The following CLUL1 variants were observed in gnomAD, a reference collection of about 807,000 sequenced individuals.
CLUL1 encodes clusterin like 1.
In CLUL1, 43 loss-of-function variants were observed where a neutral mutation model predicts 49.4. The observed-to-expected ratio is 0.87, with a 90% CI of 0.68 to 1.12. CLUL1 has a LOEUF of 1.12. Ranked by LOEUF, CLUL1 falls within the 50% of genes most tolerant of loss-of-function variation. The probability of loss-of-function intolerance (pLI) is 0.00; values close to 1 mark genes in which losing one functional copy is unlikely to be tolerated. For synonymous variants in CLUL1, 192 were observed against 184.9 expected (o/e 1.04, Z -0.31); for missense variants, 486 against 544.4 (o/e 0.89, Z 1.07).
intron 7 of CLUL1, among the ~76,000 whole-genome samples, chr18:635,358 G>T (rs1038954085): frequency 6.6e-6 from 1 of 152,068 alleles, no homozygotes; most frequent in African/African-American, 2.4e-5. Context: ...GAATGCCTCC[G>T]CTGATCTGAC....
intron 7 of CLUL1, among the ~76,000 whole-genome samples, chr18:634,567 C>T (rs1165297025): frequency 2.0e-5 from 3 of 152,056 alleles, no homozygotes; most frequent in African/African-American, 4.8e-5. Flanking sequence ...AGCAAATTAG[C>T]GCAACTCCTT....
At chr18:625,170 T>A (rs2073646401) in intron 5 of CLUL1, 138 bp downstream of exon 5, 3 of 816,122 alleles carry the variant, frequency 3.7e-6, no homozygotes, top group Non-Finnish European at 5.6e-6. Context: ...AATCTAATAC[T>A]AATGTTTACA....
chr18:630,381 T>C (rs1245113217), intron 6 of CLUL1, among the ~76,000 whole-genome samples: 1 of 149,592 alleles, frequency 6.7e-6, no homozygotes, highest in African/African-American at 2.5e-5. Flanking sequence ...AGTGCTGGGA[T>C]TACAGGCATG....
At chr18:626,867 G>C (rs531033659) in intron 5 of CLUL1, among the ~76,000 whole-genome samples, 5 of 224 alleles carry the variant, frequency 0.022, no homozygotes, top group Non-Finnish European at 0.089. Context: ...TCTCAAATAA[G>C]AAAGAAAGAA....
rs373093110 is a variant in CLUL1 at position 644,997 on chromosome 18, A to C, written c.1297A>C (p.Thr433Pro). Reference protein sequence around the residue: ...DLSILPSSNFTLKIPLEESAE... With the variant: ...DLSILPSSNFPLKIPLEESAE... ...AAGCATTCTGCCTTCCTCTAATTTC[A>C]CACTCAAGATCCCTCTTGAAGAAAG... Residue 433 changes from threonine (T) to proline (P), a missense_variant, in exon 9 of 10, where the codon ACA (threonine) becomes CCA (proline). Transcript: ENST00000692774. The C allele has an allele frequency of 3.7e-6, 6 of 1,613,604 alleles. No homozygotes were observed. The African/African-American group carries it at 5.3e-5, about 14-fold the overall frequency.
chr18:624,620 G>A (rs2073620295), intron 4 of CLUL1, among the ~76,000 whole-genome samples: 1 of 152,126 alleles, frequency 6.6e-6, no homozygotes, highest in African/African-American at 2.4e-5. Context: ...CAAACACTCA[G>A]TAAATACTTA....
Position 649,907 on chromosome 18 carries a change from T to C in CLUL1, c.*6T>C. ...TTTTTTTTTTTTTAAGGTAAGAAGA[T>C]CTAATGCATCCTATATCCAGTAAGT... On this transcript the variant is annotated 3_prime_UTR_variant, in exon 10 of 10. Coordinates refer to ENST00000692774, the MANE Select transcript of CLUL1 (RefSeq NM_001393344.1). The C allele has an allele frequency of 7.3e-7, 1 of 1,361,332 alleles. No individual in the cohort carries two copies. The highest frequency in any genetic ancestry group is 1.0e-6 in the Non-Finnish European group (1 of 965,328). 84.3% of individuals were successfully genotyped at this position (1,361,332 alleles called of 1,614,324 possible). A position where few individuals can be genotyped will look rare whatever the true frequency, so the allele number is the denominator to read the frequency against.
At chr18:626,340 G>A (rs2073694720) in intron 5 of CLUL1, among the ~76,000 whole-genome samples, 1 of 151,932 alleles carries the variant, frequency 6.6e-6, no homozygotes, top group African/African-American at 2.4e-5. Flanking sequence ...GACCTCAGGT[G>A]ATCCACACAC....
chr18:609,224 GGT>G (rs1302357553), intron 2 of CLUL1, among the ~76,000 whole-genome samples: 1 of 152,110 alleles, frequency 6.6e-6, no homozygotes. Flanking sequence ...CAGGAAGCAA[GGT>G]GTCCCTGTCT....
At chr18:615,397 A>G (rs2073258503) in intron 2 of CLUL1, among the ~76,000 whole-genome samples, 1 of 152,180 alleles carries the variant, frequency 6.6e-6, no homozygotes, top group Non-Finnish European at 1.5e-5. Flanking sequence ...CCATCTTTCT[A>G]TGTGTGTGAT....
chr18:635,225 CA>C (rs916065037), intron 7 of CLUL1, among the ~76,000 whole-genome samples: 2 of 152,128 alleles, frequency 1.3e-5, no homozygotes, highest in African/African-American at 4.8e-5. Flanking sequence ...ACAATTTTTC[CA>C]AAGATGGTGG....
chr18:625,131 T>A, intron 5 of CLUL1, 99 bp downstream of exon 5: 1 of 1,222,416 alleles, frequency 8.2e-7, no homozygotes, highest in Non-Finnish European at 1.1e-6. Flanking sequence ...CGGAGATGCC[T>A]GATCTGATAG....
intron 2 of CLUL1, among the ~76,000 whole-genome samples, chr18:612,155 C>A (rs1392716994): frequency 6.6e-6 from 1 of 152,240 alleles, no homozygotes; most frequent in Non-Finnish European, 1.5e-5. Flanking sequence ...ATAGTCCATT[C>A]TTCTCAGGAC....
intron 5 of CLUL1, among the ~76,000 whole-genome samples, 175 bp downstream of exon 5, chr18:625,207 A>G (rs1038936069): frequency 2.0e-5 from 3 of 152,128 alleles, no homozygotes; most frequent in African/African-American, 4.8e-5. Flanking sequence ...TACGCAATTT[A>G]TAAGGTAGAG....
intron 2 of CLUL1, chr18:613,151 T>G (rs2073189571): frequency 2.3e-6 from 1 of 437,712 alleles, no homozygotes; most frequent in African/African-American, 2.0e-5. Flanking sequence ...TATTGTATTT[T>G]TTTTGAGATG....
chr18:616,943 G>A (rs930199121), intron 2 of CLUL1, among the ~76,000 whole-genome samples: 2 of 152,122 alleles, frequency 1.3e-5, no homozygotes, highest in African/African-American at 4.8e-5. Context: ...TTCTGTGGTT[G>A]TTTTCTTTTT....
chr18:623,937 T>G (rs1265750964), intron 4 of CLUL1, among the ~76,000 whole-genome samples: 1 of 152,342 alleles, frequency 6.6e-6, no homozygotes, highest in Middle Eastern at 3.4e-3. Context: ...TCTGAGGCTG[T>G]CTTCTTATGG....
chr18:624,185 A>G (rs1386612313), intron 4 of CLUL1, among the ~76,000 whole-genome samples: 1 of 152,198 alleles, frequency 6.6e-6, no homozygotes, highest in Non-Finnish European at 1.5e-5. Flanking sequence ...GGCCAAGTAC[A>G]GCAAGCACCA....
At chr18:626,863 A>AGAAAGAAAGAAAGAAAGAAAGAAAGAAAG (rs1567966220) in intron 5 of CLUL1, among the ~76,000 whole-genome samples, 1 of 94,016 alleles carries the variant, frequency 1.1e-5, no homozygotes, top group Admixed American at 1.7e-4. Context: ...TCCATCTCAA[A>AGAAAGAAAGAAAGAAAGAAAGAAAGAAAG]TAAGAAAGAA....
Sources: gnomAD v4.1 joint callset for allele counts (sites outside exome capture counted in the v4.1 genomes callset) on GRCh38, gnomAD v4.1.1 for gene constraint, MANE v1.5 for transcripts, NCBI Gene and HGNC (gene_info 2026-07-23, HGNC 2026-07-21) for gene names.